Variants in CACNA2D3 observed in about 807,000 individuals in gnomAD.
CACNA2D3 encodes calcium voltage-gated channel auxiliary subunit alpha2delta 3, also known as voltage-dependent calcium channel subunit alpha-2/delta-3.
In CACNA2D3, 60 loss-of-function variants were observed where a neutral mutation model predicts 160.6. That is an observed-to-expected ratio of 0.37 (90% CI 0.30 to 0.46). CACNA2D3 has a LOEUF of 0.46. Ranked by LOEUF, CACNA2D3 falls within the 20% of genes least tolerant of loss-of-function variation. The pLI is 1.00. For synonymous variants in CACNA2D3, 558 were observed against 492.9 expected (o/e 1.13, Z -1.75); for missense variants, 1,205 against 1,365.0 (o/e 0.88, Z 1.85).
intron 2 of CACNA2D3, among the ~76,000 whole-genome samples, chr3:54,240,930 C>T (rs984839752): frequency 1.3e-5 from 2 of 151,922 alleles, no homozygotes; most frequent in Non-Finnish European, 2.9e-5. Context: ...TGAGTAGAGA[C>T]GGGTTTCACC....
intron 6 of CACNA2D3, among the ~76,000 whole-genome samples, 163 bp from the exon 7 acceptor site, chr3:54,569,632 T>A (rs990417010): frequency 3.3e-5 from 5 of 152,206 alleles, no homozygotes; most frequent in Non-Finnish European, 5.9e-5. Flanking sequence ...GCCCAACAGC[T>A]CCTTCCTGGA....
At chr3:54,134,540 G>T (rs1216449145) in intron 2 of CACNA2D3, among the ~76,000 whole-genome samples, 1 of 152,198 alleles carries the variant, frequency 6.6e-6, no homozygotes, top group African/African-American at 2.4e-5. Flanking sequence ...CAGATCACCA[G>T]GTCCTTCACA....
chr3:54,846,166 TG>T lies in CACNA2D3; in HGVS notation c.1552-226del, dbSNP rs1698928027. On this transcript the variant is annotated intron_variant, in intron 16 of 37. Transcript: ENST00000474759. ...GCCCTTGGATGCCAATGTGGGGATG[TG>T]ACATTTTAAATTGTGCTATTTGTTG... Among the ~76,000 whole-genome samples the T allele has an allele frequency of 2.0e-5, 3 of 152,384 alleles. No individual in the cohort carries two copies. The South Asian group carries it at 6.2e-4, about 32-fold the overall frequency.
chr3:54,822,426 A>G (rs139502146), intron 14 of CACNA2D3, among the ~76,000 whole-genome samples: 24 of 152,322 alleles, frequency 1.6e-4, no homozygotes, highest in African/African-American at 4.8e-4. Context: ...GTTCTCTGCC[A>G]TAGTTCTGTA....
At chr3:54,871,256 T>C (rs1479899056) in intron 17 of CACNA2D3, among the ~76,000 whole-genome samples, 2 of 152,004 alleles carry the variant, frequency 1.3e-5, no homozygotes, top group East Asian at 3.9e-4. Context: ...GATTTTCCTT[T>C]GCATCTGGTG....
At chr3:54,925,776 T>A (rs1700996981) in intron 27 of CACNA2D3, among the ~76,000 whole-genome samples, 1 of 152,204 alleles carries the variant, frequency 6.6e-6, no homozygotes, top group Non-Finnish European at 1.5e-5. Context: ...TTATTTGTAT[T>A]TCATTTTAAC....
chr3:54,839,597 C>A (rs749513893), intron 16 of CACNA2D3, among the ~76,000 whole-genome samples: 1 of 152,298 alleles, frequency 6.6e-6, no homozygotes, highest in South Asian at 2.1e-4. Flanking sequence ...CTCAGATTAA[C>A]GAGGGTTCTC....
intron 23 of CACNA2D3, among the ~76,000 whole-genome samples, chr3:54,886,301 A>T (rs1699924555): frequency 6.6e-6 from 1 of 152,244 alleles, no homozygotes; most frequent in African/African-American, 2.4e-5. Context: ...TTATCCAGCT[A>T]CTAAATGACA....
At chr3:54,356,096 A>G (rs1266300756) in intron 3 of CACNA2D3, among the ~76,000 whole-genome samples, 5 of 113,714 alleles carry the variant, frequency 4.4e-5, no homozygotes, top group East Asian at 3.0e-4. Flanking sequence ...CAATCCCACA[A>G]TGCCCTGATT....
chr3:55,062,039 C>T (rs1250243161), intron 35 of CACNA2D3, among the ~76,000 whole-genome samples: 1 of 152,202 alleles, frequency 6.6e-6, no homozygotes, highest in East Asian at 1.9e-4. Context: ...TTCTGGGCTG[C>T]TTCAACCTTG....
chr3:54,951,343 C>T (rs756079160), intron 27 of CACNA2D3, among the ~76,000 whole-genome samples: 2 of 152,316 alleles, frequency 1.3e-5, no homozygotes, highest in Non-Finnish European at 2.9e-5. Flanking sequence ...TCTTTCACAG[C>T]ACTATAGTAA....
At chr3:54,924,272 A>T (rs970929512) in intron 27 of CACNA2D3, among the ~76,000 whole-genome samples, 9 of 152,238 alleles carry the variant, frequency 5.9e-5, no homozygotes, top group Admixed American at 5.2e-4. Context: ...ATCAGACTTG[A>T]TAATAAGAGG....
chr3:54,687,121 C>CTTTTTCTTTTT, intron 11 of CACNA2D3, among the ~76,000 whole-genome samples: 15 of 94,930 alleles, frequency 1.6e-4, no homozygotes, highest in African/African-American at 2.0e-4. Context: ...TTTTCTTTTT[C>CTTTTTCTTTTT]TTTTTTTTTT....
chr3:54,626,683 T>TC, intron 9 of CACNA2D3: 1 of 242,740 alleles, frequency 4.1e-6, no homozygotes, highest in Admixed American at 1.3e-4. Flanking sequence ...ATGGTTCCAG[T>TC]CAAAAAAAAA....
intron 9 of CACNA2D3, among the ~76,000 whole-genome samples, chr3:54,616,186 G>A (rs1260659416): frequency 6.6e-6 from 1 of 152,158 alleles, no homozygotes; most frequent in Non-Finnish European, 1.5e-5. Context: ...AGCCTGACTG[G>A]GTTGTTCTGG....
Position 54,581,886 on chromosome 3 carries a change from A to T in CACNA2D3, c.963+9A>T. The T allele has an allele frequency of 1.2e-6, 2 of 1,611,634 alleles. No individual in the cohort carries two copies. The highest frequency in any genetic ancestry group is 1.7e-6 in the Non-Finnish European group (2 of 1,178,344). ...ACAGGACAAACAAAGAGGTAGGGGC[A>T]GCTCGGGGGAGCATTCCAGTCATGG... On this transcript the variant is annotated intron_variant, in intron 9 of 37. Coordinates refer to ENST00000474759, the MANE Select transcript of CACNA2D3 (RefSeq NM_018398.3).
chr3:54,341,784 G>A (rs1575405082), intron 3 of CACNA2D3, among the ~76,000 whole-genome samples: 1 of 152,136 alleles, frequency 6.6e-6, no homozygotes, highest in Non-Finnish European at 1.5e-5. Context: ...CCTCCAGAGT[G>A]TATGTAACTA....
chr3:54,291,261 C>T (rs1358615763), intron 2 of CACNA2D3, among the ~76,000 whole-genome samples: 1 of 152,184 alleles, frequency 6.6e-6, no homozygotes, highest in Admixed American at 6.5e-5. Context: ...AAATTCGTGT[C>T]TCCACCATCA....
chr3:55,063,178 G>T (rs1389671688), intron 35 of CACNA2D3, among the ~76,000 whole-genome samples: 1 of 152,136 alleles, frequency 6.6e-6, no homozygotes, highest in Non-Finnish European at 1.5e-5. Context: ...ACACTCAGAG[G>T]CTTGCTGGTC....
Sources: gnomAD v4.1 joint callset for allele counts (sites outside exome capture counted in the v4.1 genomes callset) on GRCh38, gnomAD v4.1.1 for gene constraint, MANE v1.5 for transcripts, NCBI Gene and HGNC (gene_info 2026-07-23, HGNC 2026-07-21) for gene names.